BCAT1: variants seen among roughly 807,000 people sequenced by gnomAD.
BCAT1 encodes branched chain amino acid transaminase 1, also known as branched-chain-amino-acid aminotransferase, cytosolic.
A neutral mutation model predicts 52.4 loss-of-function variants in BCAT1; 48 were observed. The observed-to-expected ratio is 0.92, with a 90% CI of 0.73 to 1.16. The LOEUF is 1.16. Among genes scored for constraint, BCAT1 ranks in the 50% most tolerant of loss-of-function variants. The pLI, the probability that BCAT1 is intolerant of heterozygous loss-of-function variation, is 0.00. For missense variants in BCAT1, 451 were observed against 457.1 expected, an observed-to-expected ratio of 0.99 and a Z score of 0.12; for synonymous variants, 167 against 161.3, an observed-to-expected ratio of 1.04 and a Z score of -0.27.
At chr12:24,846,305 C>T (rs922756587) in intron 6 of BCAT1, among the ~76,000 whole-genome samples, 1 of 152,082 alleles carries the variant, frequency 6.6e-6, no homozygotes, top group African/African-American at 2.4e-5. Flanking sequence ...TTTTAATTTT[C>T]CCAGAGTTCT....
At chr12:24,864,792 A>T (rs535790449) in intron 5 of BCAT1, among the ~76,000 whole-genome samples, 1 of 152,082 alleles carries the variant, frequency 6.6e-6, no homozygotes, top group South Asian at 2.1e-4. Context: ...TTCTCTCTCA[A>T]ATCCCAAACA....
At chr12:24,923,935 T>G (rs1943540108) in intron 1 of BCAT1, among the ~76,000 whole-genome samples, 1 of 152,224 alleles carries the variant, frequency 6.6e-6, no homozygotes, top group South Asian at 2.1e-4. Flanking sequence ...ATTAATTTAA[T>G]TTTTATTCAT....
chr12:24,870,037 G>C (rs1003881249), intron 5 of BCAT1, among the ~76,000 whole-genome samples: 2 of 151,720 alleles, frequency 1.3e-5, no homozygotes, highest in Middle Eastern at 3.4e-3. Flanking sequence ...TTTCTGAAAG[G>C]GTATAAGAAA....
intron 3 of BCAT1, among the ~76,000 whole-genome samples, chr12:24,892,739 G>C (rs960116139): frequency 6.6e-6 from 1 of 152,196 alleles, no homozygotes; most frequent in Non-Finnish European, 1.5e-5. Flanking sequence ...TGTGGTCCCA[G>C]CTACTCAGGA....
intron 7 of BCAT1, among the ~76,000 whole-genome samples, chr12:24,841,408 T>G (rs1591796862): frequency 6.6e-6 from 1 of 152,202 alleles, no homozygotes; most frequent in East Asian, 1.9e-4. Context: ...GAATGACCAT[T>G]GACCTGATCT....
At chr12:24,913,451 T>C (rs1242212878) in intron 1 of BCAT1, among the ~76,000 whole-genome samples, 1 of 152,144 alleles carries the variant, frequency 6.6e-6, no homozygotes, top group Non-Finnish European at 1.5e-5. Context: ...TGGCACCAAG[T>C]AGATGGTAGT....
chr12:24,852,724 G>T (rs1001455415), intron 5 of BCAT1, among the ~76,000 whole-genome samples: 1 of 152,128 alleles, frequency 6.6e-6, no homozygotes. Flanking sequence ...TAGCAAGCAG[G>T]TAAATTATAG....
At chr12:24,879,721 C>A (rs1418905587) in intron 4 of BCAT1, among the ~76,000 whole-genome samples, 1 of 152,170 alleles carries the variant, frequency 6.6e-6, no homozygotes, top group African/African-American at 2.4e-5. Context: ...GATCTAATTT[C>A]TTGCCCTGTC....
chr12:24,918,972 GCTTAGTACACAGTCAGAT>G (rs1293430054), intron 1 of BCAT1, among the ~76,000 whole-genome samples: 1 of 152,174 alleles, frequency 6.6e-6, no homozygotes, highest in East Asian at 1.9e-4. Flanking sequence ...GGTTTCCAGT[GCTTAGTACACAGTCAGAT>G]AAATGTGTGA....
intron 8 of BCAT1, chr12:24,834,275 C>T (rs1940827265): frequency 1.0e-6 from 1 of 985,208 alleles, no homozygotes; most frequent in Non-Finnish European, 1.2e-6. Flanking sequence ...GTTGACTTTA[C>T]AGTGACAATT....
At chr12:24,920,235 T>C (rs146958065) in intron 1 of BCAT1, among the ~76,000 whole-genome samples, 3 of 152,308 alleles carry the variant, frequency 2.0e-5, no homozygotes, top group African/African-American at 7.2e-5. Flanking sequence ...ATTGAGTCTT[T>C]AGACCTTGTG....
At chr12:24,826,279 T>G (rs1472147965) in intron 10 of BCAT1, among the ~76,000 whole-genome samples, 1 of 152,222 alleles carries the variant, frequency 6.6e-6, no homozygotes, top group Non-Finnish European at 1.5e-5. Flanking sequence ...GGTCTAAGAT[T>G]CAAGTCATTA....
At position 24,816,760 on chromosome 12, in the gene BCAT1, T is replaced by G. The variant is rs1369112666; in HGVS notation, c.*1248A>C. The stretch of plus-strand genomic sequence containing the variant: ...GACAATTTTTCCACAGACTGCAGGG[T>G]GAAGGGTGGTTTCAGGATGAAACTG... On this transcript the variant is annotated 3_prime_UTR_variant, in exon 11 of 11. Coordinates refer to ENST00000261192, the MANE Select transcript of BCAT1 (RefSeq NM_005504.7). The G allele has an allele frequency of 2.6e-6, 1 of 391,644 alleles. No homozygotes were observed. The highest frequency in any genetic ancestry group is 3.6e-5 in the East Asian group (1 of 27,838). 24.3% of individuals were successfully genotyped at this position (391,644 alleles called of 1,614,324 possible). A position where few individuals can be genotyped will look rare whatever the true frequency, so the allele number is the denominator to read the frequency against.
intron 1 of BCAT1, among the ~76,000 whole-genome samples, chr12:24,905,064 A>G (rs549114877): frequency 5.1e-4 from 77 of 152,354 alleles, no homozygotes; most frequent in African/African-American, 1.7e-3. Context: ...TCCAGGACAA[A>G]AGAACTTCTC....
At chr12:24,887,080 A>AAAATATATATATATAT (rs1245203518) in intron 3 of BCAT1, among the ~76,000 whole-genome samples, 3 of 40,748 alleles carry the variant, frequency 7.4e-5, no homozygotes, top group Non-Finnish European at 1.0e-4. Context: ...AAAAAAAAAA[A>AAAATATATATATATAT]ATATATATAT....
intron 3 of BCAT1, among the ~76,000 whole-genome samples, chr12:24,889,991 C>T (rs752672646): frequency 7.2e-5 from 11 of 152,146 alleles, no homozygotes; most frequent in African/African-American, 2.7e-4. Context: ...GGGTGGCACA[C>T]CCCGGGAGGG....
rs750081354 is a variant in BCAT1, at chr12:24,814,669, T to G, written c.*3339A>C. 6.6e-6 allele frequency: 1 copy of G among 152,088 alleles called. No homozygotes were observed. The highest frequency in any genetic ancestry group is 1.5e-5 in the Non-Finnish European group (1 of 67,994). 9.4% of individuals were successfully genotyped at this position (152,088 alleles called of 1,614,324 possible). A position where few individuals can be genotyped will look rare whatever the true frequency, so the allele number is the denominator to read the frequency against. On this transcript the variant is annotated 3_prime_UTR_variant, in exon 11 of 11. Coordinates refer to ENST00000261192, the MANE Select transcript of BCAT1 (RefSeq NM_005504.7). Reference sequence around the variant, plus strand: ...GGTAAATTTTATGAAGCAACAAAACTAATATGGTGAAGAATTTTAACCCAA... The same window carrying G: ...GGTAAATTTTATGAAGCAACAAAACGAATATGGTGAAGAATTTTAACCCAA...
rs115922934 is a variant in BCAT1 at position 24,897,348 on chromosome 12, C to T, written c.79-2873G>A. Among the ~76,000 whole-genome samples the T allele has an allele frequency of 2.6e-3, 391 of 152,222 alleles. 1 individual carries two copies. Among genetic ancestry groups the T allele is most frequent in the African/African-American group, 9.1e-3 (376 of 41,516 alleles). The stretch of plus-strand genomic sequence containing the variant: ...GGGATAGAATAAGGTAATTTTTAAC[C>T]TCAAATAAGTGTTCTTATAATTAGA... On this transcript the variant is annotated intron_variant, in intron 2 of 10. Coordinates refer to ENST00000261192, the MANE Select transcript of BCAT1 (RefSeq NM_005504.7).
chr12:24,850,918 A>G (rs1455315929), intron 5 of BCAT1, among the ~76,000 whole-genome samples: 2 of 152,226 alleles, frequency 1.3e-5, no homozygotes, highest in African/African-American at 4.8e-5. Flanking sequence ...TATCTTCAAA[A>G]AAACAGGGAA....
Sources: gnomAD v4.1 joint callset for allele counts (sites outside exome capture counted in the v4.1 genomes callset) on GRCh38, gnomAD v4.1.1 for gene constraint, MANE v1.5 for transcripts, NCBI Gene and HGNC (gene_info 2026-07-23, HGNC 2026-07-21) for gene names.